Variants in SCFD2 observed in about 807,000 individuals in gnomAD.
The protein encoded by SCFD2 is sec1 family domain containing 2.
Under a neutral mutation model 58.9 loss-of-function variants are expected in SCFD2, and 54 were observed. The ratio of observed to expected loss-of-function variants is 0.92; its 90% CI spans 0.74 to 1.15. The LOEUF is 1.15. SCFD2 is among the 50% of genes most tolerant of loss of function. The pLI is 0.00. For missense variants in SCFD2, 805 were observed against 836.6 expected (o/e 0.96, Z 0.47); for synonymous variants, 321 against 335.9 (o/e 0.96, Z 0.49).
chr4:53,263,317 A>G (rs1220174060), intron 4 of SCFD2, among the ~76,000 whole-genome samples: 1 of 152,142 alleles, frequency 6.6e-6, no homozygotes, highest in East Asian at 1.9e-4. Flanking sequence ...GGGCTGTTAA[A>G]GAACCTTGTT....
chr4:53,274,675 A>G (rs1163083575), intron 3 of SCFD2, among the ~76,000 whole-genome samples: 1 of 152,200 alleles, frequency 6.6e-6, no homozygotes, highest in African/African-American at 2.4e-5. Context: ...AAACACTTGT[A>G]CATCTACAAA....
chr4:53,117,929 G>A (rs551362792), intron 5 of SCFD2, among the ~76,000 whole-genome samples: 5 of 152,096 alleles, frequency 3.3e-5, no homozygotes, highest in African/African-American at 7.2e-5. Flanking sequence ...AAGACAAGGC[G>A]GTCTTTTCAT....
intron 5 of SCFD2, among the ~76,000 whole-genome samples, chr4:53,032,471 C>T (rs1348253011): frequency 1.3e-5 from 2 of 151,970 alleles, no homozygotes; most frequent in African/African-American, 2.4e-5. Flanking sequence ...GGCTAAATGC[C>T]CCCAATTAAA....
At chr4:53,106,732 T>C (rs1320987562) in intron 5 of SCFD2, among the ~76,000 whole-genome samples, 2 of 152,094 alleles carry the variant, frequency 1.3e-5, no homozygotes, top group Non-Finnish European at 2.9e-5. Context: ...AGACCAAACC[T>C]ACATTTGATT....
At chr4:52,880,918 T>A (rs575396848) in intron 8 of SCFD2, among the ~76,000 whole-genome samples, 89 of 152,356 alleles carry the variant, frequency 5.8e-4, no homozygotes, top group Non-Finnish European at 9.0e-4. Flanking sequence ...ACAGTAGGCA[T>A]CAAGTGAGTG....
intron 3 of SCFD2, among the ~76,000 whole-genome samples, chr4:53,305,691 T>C (rs1280921139): frequency 1.3e-5 from 2 of 152,344 alleles, no homozygotes; most frequent in East Asian, 1.9e-4. Context: ...CTCCTTGCTT[T>C]CTTTTCTAAC....
chr4:52,884,636 T>G (rs1228023180), intron 8 of SCFD2, among the ~76,000 whole-genome samples: 1 of 152,152 alleles, frequency 6.6e-6, no homozygotes, highest in African/African-American at 2.4e-5. Flanking sequence ...CTACCTGCTC[T>G]CTCATCCCTG....
At chr4:53,309,072 G>C (rs1349991981) in intron 3 of SCFD2, among the ~76,000 whole-genome samples, 1 of 151,994 alleles carries the variant, frequency 6.6e-6, no homozygotes, top group Non-Finnish European at 1.5e-5. Context: ...GGCGGAGGTT[G>C]CAGTGAGCCG....
chr4:53,061,266 T>TGA (rs1723501486), intron 5 of SCFD2, among the ~76,000 whole-genome samples: 1 of 152,172 alleles, frequency 6.6e-6, no homozygotes, highest in Non-Finnish European at 1.5e-5. Flanking sequence ...ATGGAGCTCT[T>TGA]ACTCTGTGCT....
At chr4:53,224,161 CG>C (rs1192374744) in intron 4 of SCFD2, among the ~76,000 whole-genome samples, 6 of 152,036 alleles carry the variant, frequency 3.9e-5, no homozygotes, top group African/African-American at 1.4e-4. Context: ...GAGGCCGAGG[CG>C]GGTGGATCAT....
chr4:53,239,620 G>C (rs1729827098), intron 4 of SCFD2, among the ~76,000 whole-genome samples: 1 of 152,132 alleles, frequency 6.6e-6, no homozygotes, highest in South Asian at 2.1e-4. Flanking sequence ...GAGTAGCTGG[G>C]ATTACAGGCA....
chr4:52,923,592 G>A (rs1719795048), intron 5 of SCFD2, among the ~76,000 whole-genome samples: 1 of 152,096 alleles, frequency 6.6e-6, no homozygotes, highest in African/African-American at 2.4e-5. Flanking sequence ...TAGACTGCAG[G>A]GGATTGGGGG....
intron 5 of SCFD2, among the ~76,000 whole-genome samples, chr4:52,927,759 T>C (rs1364156624): frequency 6.6e-6 from 1 of 152,194 alleles, no homozygotes; most frequent in African/African-American, 2.4e-5. Flanking sequence ...GAAATAGCCT[T>C]AGAACTGTGA....
At chr4:52,941,614 TTATCTGGCACACAGAAGGCACA>T (rs1179501491) in intron 5 of SCFD2, among the ~76,000 whole-genome samples, 3 of 152,240 alleles carry the variant, frequency 2.0e-5, no homozygotes, top group Non-Finnish European at 4.4e-5. Context: ...TCCGGTTCAC[TTATCTGGCACACAGAAGGCACA>T]TGCCAAATGC....
intron 4 of SCFD2, among the ~76,000 whole-genome samples, chr4:53,196,403 CA>C (rs1485802109): frequency 1.3e-5 from 2 of 152,110 alleles, no homozygotes; most frequent in Admixed American, 1.3e-4. Flanking sequence ...ACTTGCAGTC[CA>C]CATTTGTAAT....
At chr4:53,011,204 C>T (rs1373900232) in intron 5 of SCFD2, among the ~76,000 whole-genome samples, 3 of 152,294 alleles carry the variant, frequency 2.0e-5, no homozygotes, top group South Asian at 4.1e-4. Flanking sequence ...CATAATAAAA[C>T]CTTCATCCTA....
intron 5 of SCFD2, among the ~76,000 whole-genome samples, chr4:53,125,736 T>C (rs1319185568): frequency 1.3e-5 from 2 of 152,222 alleles, no homozygotes; most frequent in East Asian, 3.8e-4. Context: ...TCCGTTATGA[T>C]GAAAGACTAC....
At chr4:53,202,417 T>C (rs983353267) in intron 4 of SCFD2, among the ~76,000 whole-genome samples, 10 of 151,228 alleles carry the variant, frequency 6.6e-5, no homozygotes, top group African/African-American at 2.4e-4. Flanking sequence ...CATGCTGTTT[T>C]GTTTACTGTA....
intron 5 of SCFD2, among the ~76,000 whole-genome samples, chr4:52,993,763 A>G (rs1721676326): frequency 6.6e-6 from 1 of 152,248 alleles, no homozygotes; most frequent in Admixed American, 6.5e-5. Flanking sequence ...AATTGGAATC[A>G]TTGTAACTCT....
Sources: gnomAD v4.1 joint callset for allele counts (sites outside exome capture counted in the v4.1 genomes callset) on GRCh38, gnomAD v4.1.1 for gene constraint, MANE v1.5 for transcripts, NCBI Gene and HGNC (gene_info 2026-07-23, HGNC 2026-07-21) for gene names.